ZFHX3: variants seen among roughly 807,000 people sequenced by gnomAD.
ZFHX3 encodes zinc finger homeobox protein 3.
In ZFHX3, 42 loss-of-function variants were observed where a neutral mutation model predicts 279.1. The ratio of observed to expected loss-of-function variants is 0.15; its 90% CI spans 0.12 to 0.19. The LOEUF (loss-of-function observed/expected upper bound fraction) is 0.19. Ranked by LOEUF, ZFHX3 falls within the 10% of genes least tolerant of loss-of-function variation. The pLI is 1.00. For missense variants in ZFHX3, 4,981 were observed against 4,754.0 expected, an observed-to-expected ratio of 1.05 and a Z score of -1.40; for synonymous variants, 2,293 against 1,957.8, an observed-to-expected ratio of 1.17 and a Z score of -4.52.
chr16:73,521,248 G>T (rs1394812348), intron 2 of ZFHX3, among the ~76,000 whole-genome samples: 1 of 152,106 alleles, frequency 6.6e-6, no homozygotes, highest in Non-Finnish European at 1.5e-5. Flanking sequence ...ACTTTCTTGT[G>T]GAGCAATCTC....
intron 1 of ZFHX3, among the ~76,000 whole-genome samples, chr16:73,681,719 G>A (rs2053011877): frequency 6.6e-6 from 1 of 152,172 alleles, no homozygotes; most frequent in Admixed American, 6.5e-5. Flanking sequence ...GTGCTTCCAT[G>A]TGCAAACTGC....
chr16:73,614,208 C>T (rs868297649), intron 2 of ZFHX3, among the ~76,000 whole-genome samples: 3 of 152,138 alleles, frequency 2.0e-5, no homozygotes, highest in Admixed American at 1.3e-4. Flanking sequence ...GTGATGTGTA[C>T]GGGGCAAAAG....
At chr16:73,862,021 G>T (rs1389438559) in intron 1 of ZFHX3, among the ~76,000 whole-genome samples, 1 of 152,162 alleles carries the variant, frequency 6.6e-6, no homozygotes, top group Non-Finnish European at 1.5e-5. Context: ...CCTTCCCAAG[G>T]AAGAATCTAA....
intron 2 of ZFHX3, among the ~76,000 whole-genome samples, chr16:73,502,621 A>C (rs999797611): frequency 2.6e-5 from 4 of 152,144 alleles, no homozygotes; most frequent in African/African-American, 9.7e-5. Flanking sequence ...AACCACACTA[A>C]AGTAAGCAGA....
intron 4 of ZFHX3, among the ~76,000 whole-genome samples, chr16:73,315,118 G>T (rs1360030503): frequency 6.6e-6 from 1 of 151,752 alleles, no homozygotes; most frequent in Non-Finnish European, 1.5e-5. Context: ...ATCCCAGCTA[G>T]TCAGGGGGCT....
chr16:73,577,397 A>G (rs2051812160), intron 2 of ZFHX3, among the ~76,000 whole-genome samples: 2 of 152,210 alleles, frequency 1.3e-5, no homozygotes, highest in Admixed American at 1.3e-4. Context: ...ACTAAAGAGT[A>G]TATCATATCT....
At chr16:73,416,399 A>G (rs1297499121) in intron 3 of ZFHX3, among the ~76,000 whole-genome samples, 1 of 152,126 alleles carries the variant, frequency 6.6e-6, no homozygotes, top group Non-Finnish European at 1.5e-5. Context: ...AGGTTGTGGG[A>G]GTGCTGATGA....
At chr16:73,241,133 A>C (rs1213474070) in intron 5 of ZFHX3, among the ~76,000 whole-genome samples, 2 of 152,212 alleles carry the variant, frequency 1.3e-5, no homozygotes, top group African/African-American at 4.8e-5. Flanking sequence ...TTTATGATTT[A>C]AAGTCGGCCT....
At chr16:73,286,604 C>T (rs1044065164) in intron 4 of ZFHX3, among the ~76,000 whole-genome samples, 1 of 136,094 alleles carries the variant, frequency 7.3e-6, no homozygotes, top group African/African-American at 2.9e-5. Flanking sequence ...TGGGTCTCTG[C>T]GTAGCTGTGT....
At chr16:73,536,326 A>AG (rs1187036761) in intron 2 of ZFHX3, among the ~76,000 whole-genome samples, 1 of 152,180 alleles carries the variant, frequency 6.6e-6, no homozygotes, top group Non-Finnish European at 1.5e-5. Flanking sequence ...AGTTCACACC[A>AG]GGAAAAAATA....
intron 1 of ZFHX3, among the ~76,000 whole-genome samples, chr16:73,009,781 G>A (rs1391198732): frequency 6.6e-6 from 1 of 152,114 alleles, no homozygotes; most frequent in African/African-American, 2.4e-5. Context: ...AGCACTTTCA[G>A]AGGCCGACGC....
intron 1 of ZFHX3, among the ~76,000 whole-genome samples, chr16:73,881,453 A>ACTCT (rs368431262): frequency 1.5e-4 from 6 of 39,058 alleles, no homozygotes; most frequent in East Asian, 9.2e-4. Context: ...ACACACACAC[A>ACTCT]CTCTCTCTCT....
intron 1 of ZFHX3, among the ~76,000 whole-genome samples, chr16:73,030,166 T>C (rs1481838527): frequency 6.6e-6 from 1 of 152,206 alleles, no homozygotes; most frequent in Admixed American, 6.5e-5. Flanking sequence ...TACTCTCAAC[T>C]TTCTCTACCT....
chr16:73,648,014 A>G (rs1567541982), intron 2 of ZFHX3, among the ~76,000 whole-genome samples: 2 of 152,238 alleles, frequency 1.3e-5, no homozygotes, highest in East Asian at 1.9e-4. Flanking sequence ...TTAAACGTCA[A>G]AAAGTGTGGT....
intron 8 of ZFHX3, among the ~76,000 whole-genome samples, chr16:73,066,053 C>T (rs550663296): frequency 2.4e-4 from 37 of 152,344 alleles, no homozygotes; most frequent in Admixed American, 5.2e-4. Context: ...CTGACTGGGG[C>T]TCTGGCTAGC....
At chr16:73,505,721 G>T (rs1242182361) in intron 2 of ZFHX3, among the ~76,000 whole-genome samples, 1 of 152,140 alleles carries the variant, frequency 6.6e-6, no homozygotes, top group Non-Finnish European at 1.5e-5. Flanking sequence ...CCCAGATTTT[G>T]CCTCTCACTT....
intron 3 of ZFHX3, among the ~76,000 whole-genome samples, chr16:73,320,431 C>A (rs569781444): frequency 6.6e-6 from 1 of 152,270 alleles, no homozygotes; most frequent in South Asian, 2.1e-4. Flanking sequence ...ATTTATTTAT[C>A]GAACATAAAA....
chr16:72,991,094 T>TGCA (rs10667850), intron 1 of ZFHX3, among the ~76,000 whole-genome samples: 1 of 151,090 alleles, frequency 6.6e-6, no homozygotes, highest in Non-Finnish European at 1.5e-5. Flanking sequence ...TAGCAGTCCC[T>TGCA]TATCCGAGGC....
At chr16:73,428,587 G>A (rs1364064) in intron 3 of ZFHX3, among the ~76,000 whole-genome samples, 88,245 of 152,090 alleles carry the variant, frequency 0.58, 27,798 homozygotes, top group African/African-American at 0.84. Context: ...TCCTTAAACC[G>A]AGGGGAGTTA....
Sources: gnomAD v4.1 joint callset for allele counts (sites outside exome capture counted in the v4.1 genomes callset) on GRCh38, gnomAD v4.1.1 for gene constraint, MANE v1.5 for transcripts, NCBI Gene and HGNC (gene_info 2026-07-23, HGNC 2026-07-21) for gene names.